KDM4C: variants seen among roughly 807,000 people sequenced by gnomAD.
KDM4C encodes lysine-specific demethylase 4C.
A neutral mutation model predicts 129.3 loss-of-function variants in KDM4C; 81 were observed. The observed-to-expected ratio is 0.63, with a 90% CI of 0.52 to 0.75. The LOEUF is 0.75. Among genes scored for constraint, KDM4C ranks in the 30% least tolerant of loss-of-function variants. The pLI is 0.00. For missense variants in KDM4C, 1,457 were observed against 1,304.0 expected (o/e 1.12, Z -1.81); for synonymous variants, 573 against 456.1 (o/e 1.26, Z -3.26).
At position 7,165,332 on chromosome 9, in the gene KDM4C, G is replaced by A. The variant is rs764927545; in HGVS notation, c.2876G>A (p.Gly959Glu). 1.9e-6 allele frequency: 3 copies of A among 1,613,920 alleles called. No homozygotes were observed. The highest frequency in any genetic ancestry group is 2.5e-6 in the Non-Finnish European group (3 of 1,179,994). ...AAACTCTATGGAGCAAAATATTTTG[G>A]ATCAAATATTGCCCACATGTACCAG... The part of the protein sequence containing the change: ...DGKLYGAKYF[G>E]SNIAHMYQVE... The change falls in exon 20 of 22, where the codon GGA becomes GAA. Residue 959 changes from glycine to glutamate, a missense_variant. By Grantham distance (98) the Gly-to-Glu change is moderately conservative. Coordinates refer to ENST00000381309, the MANE Select transcript of KDM4C (RefSeq NM_015061.6).
At chr9:7,056,917 T>C (rs1830947271) in intron 17 of KDM4C, among the ~76,000 whole-genome samples, 1 of 152,172 alleles carries the variant, frequency 6.6e-6, no homozygotes, top group African/African-American at 2.4e-5. Flanking sequence ...CCTGGGTCAA[T>C]ACCAACAAAC....
intron 1 of KDM4C, among the ~76,000 whole-genome samples, chr9:6,759,791 A>C (rs930851439): frequency 6.6e-6 from 1 of 151,884 alleles, no homozygotes; most frequent in Non-Finnish European, 1.5e-5. Flanking sequence ...CGTCTGTACC[A>C]AAAATTCAAA....
chr9:6,955,244 G>T (rs1828864298), intron 8 of KDM4C, among the ~76,000 whole-genome samples: 1 of 152,176 alleles, frequency 6.6e-6, no homozygotes, highest in Non-Finnish European at 1.5e-5. Context: ...ATCAGTTTTT[G>T]GTCAGTGATA....
intron 1 of KDM4C, chr9:6,726,393 A>G (rs1291242651): frequency 6.6e-6 from 1 of 152,254 alleles, no homozygotes; most frequent in African/African-American, 2.4e-5. Context: ...TCGCTCAGTC[A>G]GTCCCACTGT....
intron 8 of KDM4C, among the ~76,000 whole-genome samples, chr9:6,912,253 C>T (rs1819460133): frequency 6.6e-6 from 1 of 152,174 alleles, no homozygotes; most frequent in African/African-American, 2.4e-5. Flanking sequence ...TGCTCCTCCC[C>T]AGACTAACGA....
chr9:6,878,736 G>A (rs1260340286), intron 5 of KDM4C, among the ~76,000 whole-genome samples: 5 of 152,024 alleles, frequency 3.3e-5, no homozygotes, highest in Non-Finnish European at 5.9e-5. Flanking sequence ...ATGTATGTGT[G>A]TGTGTGTATG....
At chr9:6,935,187 T>C (rs1342156764) in intron 8 of KDM4C, among the ~76,000 whole-genome samples, 1 of 152,008 alleles carries the variant, frequency 6.6e-6, no homozygotes, top group Non-Finnish European at 1.5e-5. Context: ...AAAGATAATA[T>C]CTCAATTATT....
intron 4 of KDM4C, among the ~76,000 whole-genome samples, chr9:6,824,109 T>C (rs1267121932): frequency 1.3e-5 from 2 of 152,218 alleles, no homozygotes; most frequent in Non-Finnish European, 2.9e-5. Context: ...TAGAGAGTCT[T>C]TGATTTGGAC....
intron 1 of KDM4C, among the ~76,000 whole-genome samples, chr9:6,725,490 T>A (rs1370201038): frequency 6.6e-6 from 1 of 152,102 alleles, no homozygotes; most frequent in Non-Finnish European, 1.5e-5. Flanking sequence ...TTTTTTATTT[T>A]TATTTTTATT....
chr9:7,154,441 T>G (rs1842974704), intron 19 of KDM4C, among the ~76,000 whole-genome samples: 1 of 152,190 alleles, frequency 6.6e-6, no homozygotes, highest in Non-Finnish European at 1.5e-5. Context: ...GCTCTGTGGT[T>G]TATACACGTA....
intron 1 of KDM4C, among the ~76,000 whole-genome samples, chr9:6,739,456 C>G (rs148310585): frequency 6.6e-6 from 1 of 152,002 alleles, no homozygotes; most frequent in African/African-American, 2.4e-5. Context: ...TGACAAATCA[C>G]TGGACACAAT....
chr9:6,983,988 G>A (rs966706060), intron 9 of KDM4C, among the ~76,000 whole-genome samples, 178 bp from the exon 10 acceptor site: 1 of 152,178 alleles, frequency 6.6e-6, no homozygotes, highest in Non-Finnish European at 1.5e-5. Context: ...TAAGAAAATT[G>A]TGTTTAAGAT....
intron 4 of KDM4C, among the ~76,000 whole-genome samples, chr9:6,838,162 T>C (rs1205576922): frequency 3.3e-5 from 5 of 152,260 alleles, no homozygotes; most frequent in Non-Finnish European, 5.9e-5. Flanking sequence ...CCAAATATTT[T>C]ATTTTTCTTT....
intron 15 of KDM4C, among the ~76,000 whole-genome samples, chr9:7,035,662 A>G (rs193041525): frequency 7.5e-4 from 114 of 152,056 alleles, no homozygotes; most frequent in Non-Finnish European, 1.2e-3. Flanking sequence ...TGATTTTTGT[A>G]TAGGGTGAGA....
At chr9:7,160,898 T>C (rs932486450) in intron 19 of KDM4C, among the ~76,000 whole-genome samples, 6 of 152,138 alleles carry the variant, frequency 3.9e-5, no homozygotes, top group Admixed American at 3.9e-4. Flanking sequence ...TCTGCAGAAG[T>C]TGTCTGCTGT....
chr9:6,901,846 A>C (rs1299575883), intron 8 of KDM4C, among the ~76,000 whole-genome samples: 1 of 152,220 alleles, frequency 6.6e-6, no homozygotes, highest in Non-Finnish European at 1.5e-5. Context: ...CTAAAAAACT[A>C]AGTAAGACAT....
At chr9:7,138,567 C>T (rs1165573694) in intron 19 of KDM4C, among the ~76,000 whole-genome samples, 3 of 152,092 alleles carry the variant, frequency 2.0e-5, no homozygotes, top group Non-Finnish European at 4.4e-5. Flanking sequence ...GAAATCCCAG[C>T]GCTTTGGGGC....
At chr9:6,974,464 G>C (rs1235964138) in intron 8 of KDM4C, among the ~76,000 whole-genome samples, 1 of 152,172 alleles carries the variant, frequency 6.6e-6, no homozygotes, top group Non-Finnish European at 1.5e-5. Context: ...GGTTCAAGCA[G>C]TTCTCCTGCC....
At chr9:6,902,931 A>T (rs1318432616) in intron 8 of KDM4C, among the ~76,000 whole-genome samples, 1 of 152,178 alleles carries the variant, frequency 6.6e-6, no homozygotes, top group East Asian at 1.9e-4. Context: ...GCTGTTGCTT[A>T]TATCTTCAGA....
Sources: allele counts gnomAD v4.1 joint callset (sites outside exome capture counted in the v4.1 genomes callset), GRCh38; gene constraint gnomAD v4.1.1; transcripts MANE v1.5; gene names NCBI Gene and HGNC (gene_info 2026-07-23, HGNC 2026-07-21).